Variants in ADIPOR2 observed in about 807,000 individuals in gnomAD.
ADIPOR2 encodes the protein adiponectin receptor 2.
ADIPOR2 carries 18 observed loss-of-function variants against 40.9 expected under a neutral mutation model. That is an observed-to-expected ratio of 0.44 (90% CI 0.30 to 0.65). The LOEUF is 0.65. Among genes scored for constraint, ADIPOR2 ranks in the 30% least tolerant of loss-of-function variants. The pLI is 0.09. For synonymous variants in ADIPOR2, 165 were observed against 166.4 expected, an observed-to-expected ratio of 0.99 and a Z score of 0.06; for missense variants, 283 against 479.2, an observed-to-expected ratio of 0.59 and a Z score of 3.82.
chr12:1,745,071 C>T (rs930456400), intron 1 of ADIPOR2, among the ~76,000 whole-genome samples: 2 of 152,092 alleles, frequency 1.3e-5, no homozygotes, highest in African/African-American at 4.8e-5. Context: ...CCCATTGAAA[C>T]CCTAGCAAAA....
At chr12:1,704,178 T>C (rs2094657206) in intron 1 of ADIPOR2, among the ~76,000 whole-genome samples, 1 of 151,712 alleles carries the variant, frequency 6.6e-6, no homozygotes, top group Non-Finnish European at 1.5e-5. Context: ...GAGTTAATAA[T>C]TTTTAAAAGC....
chr12:1,711,516 T>C (rs2094676758), intron 1 of ADIPOR2, among the ~76,000 whole-genome samples: 1 of 152,062 alleles, frequency 6.6e-6, no homozygotes, highest in African/African-American at 2.4e-5. Flanking sequence ...AGAATATGCC[T>C]TGGCTGGGTA....
At chr12:1,714,956 A>G (rs1362284710) in intron 1 of ADIPOR2, among the ~76,000 whole-genome samples, 1 of 151,980 alleles carries the variant, frequency 6.6e-6, no homozygotes, top group African/African-American at 2.4e-5. Context: ...AGAGAGAGAG[A>G]AGGGGACATG....
chr12:1,710,507 A>G (rs1035934437), intron 1 of ADIPOR2, among the ~76,000 whole-genome samples: 2 of 152,076 alleles, frequency 1.3e-5, no homozygotes, highest in Non-Finnish European at 2.9e-5. Flanking sequence ...TTCAGGGGCT[A>G]AACACCAGGG....
rs578172090 is a variant in ADIPOR2, at chr12:1,695,181, G to A, written c.-87+3990G>A. Among the ~76,000 whole-genome samples the A allele has an allele frequency of 7.9e-5, 12 of 152,006 alleles. No homozygotes were observed. The South Asian group carries it at 2.1e-3, about 26-fold the overall frequency. On this transcript the variant is annotated intron_variant, in intron 1 of 7. Transcript: ENST00000357103. ...CAGACATGAGCCACTGCACTTGGCC[G>A]AGAGTTATTTTTTACAAAAATGGGA...
At chr12:1,760,029 GAAAACAAAACAAAC>G (rs1862233977) in intron 2 of ADIPOR2, among the ~76,000 whole-genome samples, 2 of 151,384 alleles carry the variant, frequency 1.3e-5, no homozygotes, top group South Asian at 4.2e-4. Flanking sequence ...CTGTCTCGGG[GAAAACAAAACAAAC>G]AAAACAAAAC....
chr12:1,721,035 C>G (rs1165462906), intron 1 of ADIPOR2, among the ~76,000 whole-genome samples: 1 of 151,936 alleles, frequency 6.6e-6, no homozygotes, highest in East Asian at 1.9e-4. Context: ...TTAAGTTGTC[C>G]TGCCTTTCCA....
At position 1,778,035 on chromosome 12, in the gene ADIPOR2, G is replaced by A; in HGVS notation, c.463+10G>A. The A allele has an allele frequency of 6.2e-7, 1 of 1,608,176 alleles. No homozygotes were observed. The highest frequency in any genetic ancestry group is 8.5e-7 in the Non-Finnish European group (1 of 1,177,296). ...TGGACACATCTCTTAGGTATGTAATGTCAGTGATGTAATGAGCTGGTGATT... is the reference window on the plus strand; with the variant it reads ...TGGACACATCTCTTAGGTATGTAATATCAGTGATGTAATGAGCTGGTGATT... On this transcript the variant is annotated intron_variant, in intron 4 of 7. Transcript: ENST00000357103.
At chr12:1,740,279 T>C (rs1371549735) in intron 1 of ADIPOR2, among the ~76,000 whole-genome samples, 1 of 152,200 alleles carries the variant, frequency 6.6e-6, no homozygotes, top group Non-Finnish European at 1.5e-5. Flanking sequence ...CATAAAGTAC[T>C]GCAGACTGGG....
intron 3 of ADIPOR2, among the ~76,000 whole-genome samples, chr12:1,777,382 CTTTTTT>C (rs59141974): frequency 4.1e-5 from 4 of 98,744 alleles, no homozygotes; most frequent in Non-Finnish European, 8.3e-5. Flanking sequence ...TTTTTTCTTT[CTTTTTT>C]TTTTTTTTTT....
chr12:1,752,681 A>G (rs1862022909), intron 1 of ADIPOR2, among the ~76,000 whole-genome samples: 2 of 152,168 alleles, frequency 1.3e-5, no homozygotes, highest in African/African-American at 4.8e-5. Context: ...GAGGATAATA[A>G]TACCTCAGAA....
chr12:1,781,885 T>C (rs1350360110), intron 6 of ADIPOR2, among the ~76,000 whole-genome samples: 1 of 152,232 alleles, frequency 6.6e-6, no homozygotes, highest in Non-Finnish European at 1.5e-5. Context: ...CCGTCCTCCT[T>C]TTTGTGTTCA....
intron 2 of ADIPOR2, among the ~76,000 whole-genome samples, chr12:1,765,600 A>G (rs979899763): frequency 1.3e-5 from 2 of 152,182 alleles, no homozygotes; most frequent in African/African-American, 4.8e-5. Flanking sequence ...GTACTTGACT[A>G]CTCCATAACT....
chr12:1,714,754 A>G (rs541496009), intron 1 of ADIPOR2, among the ~76,000 whole-genome samples: 4 of 152,246 alleles, frequency 2.6e-5, no homozygotes, highest in African/African-American at 9.6e-5. Flanking sequence ...CTGAGATGCC[A>G]GGTATCTCCA....
Position 1,746,055 on chromosome 12 carries a change from TA to T in ADIPOR2, c.-86-8193del, listed in dbSNP as rs200356725. ...TTCCTTCCTCATCTTCCTGATGGATTAAAAAAAAAATGACATGATCTAAAAA... is the reference window on the plus strand; with the variant it reads ...TTCCTTCCTCATCTTCCTGATGGATTAAAAAAAAATGACATGATCTAAAAA... On this transcript the variant is annotated intron_variant, in intron 1 of 7. Coordinates refer to ENST00000357103, the MANE Select transcript of ADIPOR2 (RefSeq NM_024551.3). 6.1e-3 allele frequency among the ~76,000 whole-genome samples: 915 copies of T among 149,768 alleles called. 8 individuals are homozygous for T. Among genetic ancestry groups the T allele is most frequent in the African/African-American group, 0.02 (831 of 40,984 alleles).
intron 1 of ADIPOR2, among the ~76,000 whole-genome samples, chr12:1,713,959 G>A (rs531845964): frequency 4.7e-4 from 72 of 152,160 alleles, no homozygotes; most frequent in African/African-American, 1.3e-3. Context: ...AAACATACCC[G>A]GGGTTCAGTG....
intron 3 of ADIPOR2, among the ~76,000 whole-genome samples, chr12:1,775,764 T>C (rs1403685635): frequency 6.6e-6 from 1 of 152,186 alleles, no homozygotes; most frequent in African/African-American, 2.4e-5. Flanking sequence ...AAAAATTCAG[T>C]ATCTTGGTCT....
intron 2 of ADIPOR2, among the ~76,000 whole-genome samples, chr12:1,768,133 G>C (rs1189822257): frequency 6.6e-6 from 1 of 152,040 alleles, no homozygotes; most frequent in Non-Finnish European, 1.5e-5. Context: ...TTAATCAAAG[G>C]TTTACTGTCT....
At chr12:1,701,777 C>G (rs2094650666) in intron 1 of ADIPOR2, among the ~76,000 whole-genome samples, 1 of 152,050 alleles carries the variant, frequency 6.6e-6, no homozygotes, top group Non-Finnish European at 1.5e-5. Flanking sequence ...TTGAACATTC[C>G]TTATTAGGAA....
Sources: gnomAD v4.1 joint callset for allele counts (sites outside exome capture counted in the v4.1 genomes callset) on GRCh38, gnomAD v4.1.1 for gene constraint, MANE v1.5 for transcripts, NCBI Gene and HGNC (gene_info 2026-07-23, HGNC 2026-07-21) for gene names.